The following GZF1 variants were observed in gnomAD, a reference collection of about 807,000 sequenced individuals.
GZF1 encodes the protein GDNF inducible zinc finger protein 1, also known as GDNF-inducible zinc finger protein 1.
A neutral mutation model predicts 49.4 loss-of-function variants in GZF1; 28 were observed. The observed-to-expected ratio is 0.57, with a 90% CI of 0.42 to 0.78. GZF1 has a LOEUF of 0.78. Among genes scored for constraint, GZF1 ranks in the 30% least tolerant of loss-of-function variants. GZF1 has a pLI of 0.00. For missense variants in GZF1, 798 were observed against 916.2 expected (o/e 0.87, Z 1.67); for synonymous variants, 364 against 356.0 (o/e 1.02, Z -0.25).
upstream of GZF1, among the ~76,000 whole-genome samples, chr20:23,361,280 G>A (rs1377212407): frequency 6.6e-6 from 1 of 152,252 alleles, no homozygotes; most frequent in African/African-American, 2.4e-5. Context: ...AAAAGGCAAG[G>A]TCAGTTTATT....
At chr20:23,368,294 G>A (rs1327107775) in intron 3 of GZF1, among the ~76,000 whole-genome samples, 1 of 152,196 alleles carries the variant, frequency 6.6e-6, no homozygotes, top group East Asian at 1.9e-4. Context: ...TACAAAAAGT[G>A]AGATATTTAA....
intron 2 of GZF1, among the ~76,000 whole-genome samples, chr20:23,366,074 A>C (rs904326200): frequency 1.8e-4 from 27 of 152,060 alleles, no homozygotes; most frequent in African/African-American, 5.8e-4. Flanking sequence ...CTTCGTTTAG[A>C]TCTTGGGGTT....
In GZF1 at chr20:23,365,710, A is replaced by C; in HGVS notation, c.1327A>C (p.Arg443=). The C allele has an allele frequency of 6.4e-7, 1 of 1,561,300 alleles. No individual in the cohort carries two copies. Among genetic ancestry groups the C allele is most frequent in the Non-Finnish European group, 8.6e-7 (1 of 1,158,722 alleles). ...CTACGGCTGCACCGAGTGCGGCGCC[A>C]GGTTCTCGCAGCCGTCCGCGCTCAA... ...RPYGCTECGA[R]FSQPSALKTH... Residue 443 remains arginine, a synonymous_variant, in exon 2 of 6, where the codon AGG becomes CGG. Coordinates refer to ENST00000338121, the MANE Select transcript of GZF1 (RefSeq NM_022482.5).
At chr20:23,364,295 A>C in intron 1 of GZF1, 68 bp from the exon 2 acceptor site, 20 of 825,926 alleles carry the variant, frequency 2.4e-5, no homozygotes, top group Non-Finnish European at 3.3e-5. Context: ...TACTGAAGGA[A>C]TCCTCATAAA....
At chr20:23,361,761 T>C (rs1163084809), upstream of GZF1, among the ~76,000 whole-genome samples, 1 of 152,114 alleles carries the variant, frequency 6.6e-6, no homozygotes, top group Admixed American at 6.5e-5. Flanking sequence ...CAGCTCTTAG[T>C]GGGAAGCCAG....
chr20:23,361,209 T>C (rs572315417), upstream of GZF1, among the ~76,000 whole-genome samples: 78 of 152,338 alleles, frequency 5.1e-4, no homozygotes, highest in African/African-American at 1.8e-3. Flanking sequence ...AAGGCTGAGT[T>C]AACTGCTGGC....
At position 23,370,072 on chromosome 20, in the gene GZF1, T is replaced by C. The variant is rs772807381; in HGVS notation, c.1786-19T>C. On this transcript the variant is annotated intron_variant, in intron 5 of 5. Transcript: ENST00000338121. Reference sequence around the variant, plus strand: ...CCAGAGACACATTCAGTGACCTTTGTTTTGTGTTTAACTTATAGATACACG... The same window carrying C: ...CCAGAGACACATTCAGTGACCTTTGCTTTGTGTTTAACTTATAGATACACG... 8.8e-6 allele frequency: 14 copies of C among 1,592,124 alleles called. No homozygotes were observed. Among genetic ancestry groups the C allele is most frequent in the Non-Finnish European group, 1.1e-5 (13 of 1,160,402 alleles).
At position 23,371,196 on chromosome 20, in the gene GZF1, CAA is replaced by C. The variant is rs2123091823; in HGVS notation, c.*757_*758del. The stretch of plus-strand genomic sequence containing the variant: ...TCAGATTAGGTAAAAGCTGTCCTAC[CAA>C]AGAGTCTAGCAAAACAATATAGTAT... On this transcript the variant is annotated 3_prime_UTR_variant, in exon 6 of 6. Transcript: ENST00000338121. 6.6e-6 allele frequency: 1 copy of C among 152,648 alleles called. No individual in the cohort carries two copies. Among genetic ancestry groups the C allele is most frequent in the Admixed American group, 6.5e-5 (1 of 15,290 alleles). 9.5% of individuals were successfully genotyped at this position (152,648 alleles called of 1,614,324 possible).
intron 2 of GZF1, 90 bp downstream of exon 2, chr20:23,365,837 T>TA: frequency 1.4e-6 from 2 of 1,424,694 alleles, no homozygotes; most frequent in South Asian, 1.5e-5. Context: ...TCTCACTGCT[T>TA]AATTTCTCCG....
At position 23,368,846 on chromosome 20, in the gene GZF1, G is replaced by T; in HGVS notation, c.1544G>T (p.Gly515Val). The T allele has an allele frequency of 6.2e-7, 1 of 1,614,010 alleles. No individual in the cohort carries two copies. The highest frequency in any genetic ancestry group is 8.5e-7 in the Non-Finnish European group (1 of 1,179,932). Reference sequence around the variant, plus strand: ...AAACACCACAATAGAATCCATACTGGATCCAAACCCTTTAAATGTGAAGTA... The same window carrying T: ...AAACACCACAATAGAATCCATACTGTATCCAAACCCTTTAAATGTGAAGTA... ...YLKHHNRIHT[G>V]SKPFKCEVCF... Residue 515 changes from glycine to valine, a missense_variant, in exon 4 of 6, where the codon GGA becomes GTA. Gly to Val is a moderately radical substitution (Grantham distance 109). Transcript: ENST00000338121.
rs1416359989 is a variant in GZF1, at chr20:23,370,971, G to A, written c.*530G>A. 6.5e-6 allele frequency: 1 copy of A among 154,802 alleles called. No individual in the cohort carries two copies. Among genetic ancestry groups the A allele is most frequent in the Non-Finnish European group, 1.4e-5 (1 of 69,746 alleles). 9.6% of individuals were successfully genotyped at this position (154,802 alleles called of 1,614,324 possible). On this transcript the variant is annotated 3_prime_UTR_variant, in exon 6 of 6. Transcript: ENST00000338121. ...TGAAGCAAATCAGATTTTCTGTGGG[G>A]ACCCTCAAATGCAACTGAAGAAATA...
chr20:23,364,393 G>C lies in GZF1; in HGVS notation c.10G>C (p.Gly4Arg), dbSNP rs946913529. 1.3e-6 allele frequency: 2 copies of C among 1,565,678 alleles called. No homozygotes were observed. Among genetic ancestry groups the C allele is most frequent in the Non-Finnish European group, 1.7e-6 (2 of 1,153,546 alleles). The change falls in exon 2 of 6, where the codon GGT becomes CGT. Residue 4 changes from glycine (G) to arginine (R), a missense_variant. Physicochemically the swap from Gly to Arg is moderately radical, Grantham distance 125 (BLOSUM62 -2). Transcript: ENST00000338121. MES[G>R]AVLLESKSSP... is the part of the protein sequence containing the mutation. ...TTTGGAAGGAAGAAAGATGGAAAGCGGTGCAGTTCTGCTGGAATCCAAATC... is the reference window on the plus strand; with the variant it reads ...TTTGGAAGGAAGAAAGATGGAAAGCCGTGCAGTTCTGCTGGAATCCAAATC...
Position 23,370,570 on chromosome 20 carries a change from G to C in GZF1, c.*129G>C. The C allele has an allele frequency of 1.5e-6, 1 of 673,224 alleles. No homozygotes were observed. The highest frequency in any genetic ancestry group is 2.6e-6 in the Non-Finnish European group (1 of 388,338). The allele number at this position is 673,224 out of a possible 1,614,324, so 41.7% of individuals were successfully genotyped here. On this transcript the variant is annotated 3_prime_UTR_variant, in exon 6 of 6. Transcript: ENST00000338121. ...AAGAATGGCCTCTGCAGATTTTCCT[G>C]AACTTCTGCTAACTTGCACGGCTTT... is the stretch of plus-strand genomic sequence containing the variant.
chr20:23,365,758 A>T lies in GZF1; in HGVS notation c.1364+11A>T, dbSNP rs1483364354. 9 of 1,517,242 alleles carry T rather than the reference A, an allele frequency of 5.9e-6. 1 individual carries two copies. In the South Asian group the frequency reaches 1.1e-4, roughly 19 times the overall value. The allele number at this position is 1,517,242 out of a possible 1,614,324, so 94.0% of individuals were successfully genotyped here. On this transcript the variant is annotated intron_variant, in intron 2 of 5. Coordinates refer to ENST00000338121, the MANE Select transcript of GZF1 (RefSeq NM_022482.5). Reference sequence around the variant, plus strand: ...CAAGACGCACATGAGGTACGCGGGGAGCCGTCCGGAGGGGTCCCTGCGCAC... The same window carrying T: ...CAAGACGCACATGAGGTACGCGGGGTGCCGTCCGGAGGGGTCCCTGCGCAC...
At position 23,365,632 on chromosome 20, in the gene GZF1, A is replaced by C; in HGVS notation, c.1249A>C (p.Ser417Arg). Residue 417 changes from serine (S) to arginine (R), a missense_variant, in exon 2 of 6, where the codon AGT becomes CGT. Around this residue, in one of 3 missense-constraint regions of GZF1, gnomAD observed 446 missense variants for 540.1 expected, o/e 0.83. Coordinates refer to ENST00000338121, the MANE Select transcript of GZF1 (RefSeq NM_022482.5). ...CTGCGGCCAGTGCGGCAAGGGCCTG[A>C]GTTCCAAGACAGCGCTGCGGCTGCA... Reference protein sequence around the residue: ...HRCGQCGKGLSSKTALRLHER... With the variant: ...HRCGQCGKGLRSKTALRLHER... 6.2e-7 allele frequency: 1 copy of C among 1,604,852 alleles called. No individual in the cohort carries two copies. The highest frequency in any genetic ancestry group is 8.5e-7 in the Non-Finnish European group (1 of 1,179,294).
At chr20:23,362,400 G>T (rs999811985) in intron 1 of GZF1, 163 bp downstream of exon 1, 3 of 152,518 alleles carry the variant, frequency 2.0e-5, no homozygotes, top group African/African-American at 7.2e-5. Flanking sequence ...GGATGCCCGC[G>T]TCGGGAGGCG....
Position 23,364,815 on chromosome 20 carries a change from A to G in GZF1, c.432A>G (p.Ser144=). ...ESVLLELQNF[S]ESQEVEVSSG... The stretch of plus-strand genomic sequence containing the variant: ...TACTTTTGGAGTTGCAAAATTTCTC[A>G]GAGTCTCAGGAGGTGGAGGTGAGCA... Residue 144 remains serine (S), a synonymous_variant, in exon 2 of 6, where the codon TCA becomes TCG. Transcript: ENST00000338121. The G allele has an allele frequency of 6.2e-7, 1 of 1,614,260 alleles. No individual in the cohort carries two copies. The highest frequency in any genetic ancestry group is 8.5e-7 in the Non-Finnish European group (1 of 1,180,036).
chr20:23,363,798 T>C (rs141990213), intron 1 of GZF1, among the ~76,000 whole-genome samples: 61 of 152,334 alleles, frequency 4.0e-4, no homozygotes, highest in African/African-American at 1.3e-3. Flanking sequence ...AGAGTAACAA[T>C]AATTCAAATT....
rs770323946 is a variant in GZF1, at chr20:23,367,036, T to C, written c.1398T>C (p.Asp466=). The C allele has an allele frequency of 1.9e-6, 3 of 1,613,294 alleles. No homozygotes were observed. Among genetic ancestry groups the C allele is most frequent in the Non-Finnish European group, 2.5e-6 (3 of 1,179,684 alleles). The change falls in exon 3 of 6, where the codon GAT becomes GAC. Residue 466 remains aspartate (D), a synonymous_variant. Coordinates refer to ENST00000338121, the MANE Select transcript of GZF1 (RefSeq NM_022482.5). ...IHTGEKPFVC[D]ECGARFTQNH... The stretch of plus-strand genomic sequence containing the variant: ...CAGGGGAAAAACCTTTTGTCTGTGA[T>C]GAATGTGGTGCAAGATTCACTCAGA...
Sources: gnomAD v4.1 joint callset for allele counts (sites outside exome capture counted in the v4.1 genomes callset) on GRCh38, gnomAD v4.1.1 for gene constraint, gnomAD v4.1.1 regional missense constraint, MANE v1.5 for transcripts, NCBI Gene and HGNC (gene_info 2026-07-23, HGNC 2026-07-21) for gene names.